Variants in DOK6 observed in about 807,000 individuals in gnomAD.
DOK6 encodes the protein downstream of tyrosine kinase 6.
Under a neutral mutation model 44.0 loss-of-function variants are expected in DOK6, and 22 were observed. That is an observed-to-expected ratio of 0.50 (90% CI 0.36 to 0.71). DOK6 has a LOEUF of 0.71. DOK6 is among the 30% of genes least tolerant of loss of function. The probability of loss-of-function intolerance (pLI) is 0.00; values close to 1 mark genes in which losing one functional copy is unlikely to be tolerated. For synonymous variants in DOK6, 166 were observed against 145.5 expected, an observed-to-expected ratio of 1.14 and a Z score of -1.01; for missense variants, 340 against 416.4, an observed-to-expected ratio of 0.82 and a Z score of 1.60.
intron 2 of DOK6, among the ~76,000 whole-genome samples, chr18:69,598,415 A>G (rs1432741903): frequency 6.6e-6 from 1 of 152,024 alleles, no homozygotes; most frequent in East Asian, 1.9e-4. Flanking sequence ...AAAGGTAATG[A>G]ATTTATTATA....
intron 6 of DOK6, among the ~76,000 whole-genome samples, chr18:69,754,673 TG>T (rs978934936): frequency 2.6e-5 from 4 of 152,214 alleles, no homozygotes; most frequent in African/African-American, 9.6e-5. Flanking sequence ...GACTTTTAGA[TG>T]GGCACTTCCT....
chr18:69,679,528 G>T (rs1013455752), intron 4 of DOK6, among the ~76,000 whole-genome samples: 3 of 152,078 alleles, frequency 2.0e-5, no homozygotes, highest in African/African-American at 7.2e-5. Flanking sequence ...TCTCTGATTT[G>T]TTTTCTGAGA....
chr18:69,674,323 T>C (rs1162993546), intron 3 of DOK6, among the ~76,000 whole-genome samples: 5 of 152,208 alleles, frequency 3.3e-5, no homozygotes, highest in African/African-American at 4.8e-5. Context: ...TTAATACTTT[T>C]GAGGTGAAGT....
At chr18:69,420,391 A>G (rs570063026) in intron 1 of DOK6, among the ~76,000 whole-genome samples, 1 of 152,286 alleles carries the variant, frequency 6.6e-6, no homozygotes, top group East Asian at 1.9e-4. Context: ...CATCCCAACA[A>G]TATGAATTCT....
intron 1 of DOK6, among the ~76,000 whole-genome samples, chr18:69,505,145 A>C (rs551738456): frequency 1.4e-4 from 21 of 152,330 alleles, no homozygotes; most frequent in Admixed American, 1.4e-3. Flanking sequence ...ATACTACTAA[A>C]ATATTAACTG....
At chr18:69,487,992 A>G (rs1468925421) in intron 1 of DOK6, among the ~76,000 whole-genome samples, 2 of 152,186 alleles carry the variant, frequency 1.3e-5, no homozygotes, top group Non-Finnish European at 2.9e-5. Context: ...AATGCCATGG[A>G]CTGGGCAGCT....
intron 6 of DOK6, among the ~76,000 whole-genome samples, chr18:69,749,147 G>C (rs1245126571): frequency 6.6e-6 from 1 of 151,936 alleles, no homozygotes; most frequent in Non-Finnish European, 1.5e-5. Context: ...ACACACTGGG[G>C]CCTGTTGGGG....
intron 1 of DOK6, among the ~76,000 whole-genome samples, chr18:69,431,737 G>A (rs565839021): frequency 1.3e-5 from 2 of 152,098 alleles, no homozygotes; most frequent in African/African-American, 4.8e-5. Flanking sequence ...ACTGCCTACT[G>A]TTGAAATCTC....
chr18:69,686,336 T>C (rs975177970), intron 4 of DOK6, among the ~76,000 whole-genome samples: 13 of 152,240 alleles, frequency 8.5e-5, no homozygotes, highest in Admixed American at 3.9e-4. Context: ...ATATTTGCTC[T>C]CATTCACTAT....
rs1241217966 is a variant in DOK6 at position 69,843,780 on chromosome 18, A to G, written c.*2397A>G. 1 of 152,212 alleles carries G rather than the reference A, an allele frequency of 6.6e-6. No homozygotes were observed. Among genetic ancestry groups the G allele is most frequent in the African/African-American group, 2.4e-5 (1 of 41,452 alleles). 9.4% of individuals were successfully genotyped at this position (152,212 alleles called of 1,614,324 possible). ...TCGTAAAAAGAGTATGTGTGAGAGA[A>G]ATCTCCTTCCCAAGTTTTTAACCAG... On this transcript the variant is annotated 3_prime_UTR_variant, in exon 8 of 8. Coordinates refer to ENST00000382713, the MANE Select transcript of DOK6 (RefSeq NM_152721.6).
chr18:69,712,397 A>G (rs8095760), intron 5 of DOK6, among the ~76,000 whole-genome samples: 6,325 of 149,786 alleles, frequency 0.042, 397 homozygotes, highest in African/African-American at 0.14. Flanking sequence ...GAAAGAGGCA[A>G]TGGATATTAT....
intron 1 of DOK6, among the ~76,000 whole-genome samples, chr18:69,460,965 ATGTT>A (rs1308128495): frequency 1.3e-5 from 2 of 152,278 alleles, no homozygotes; most frequent in African/African-American, 4.8e-5. Flanking sequence ...ATATGGTACT[ATGTT>A]TGAGGAAAGC....
At chr18:69,674,441 C>T (rs1985875194) in intron 3 of DOK6, among the ~76,000 whole-genome samples, 1 of 152,136 alleles carries the variant, frequency 6.6e-6, no homozygotes, top group Admixed American at 6.6e-5. Context: ...CCAGCTGTTA[C>T]AGGATGTCAC....
intron 1 of DOK6, among the ~76,000 whole-genome samples, chr18:69,411,890 T>G (rs1978307824): frequency 6.6e-6 from 1 of 152,150 alleles, no homozygotes; most frequent in Non-Finnish European, 1.5e-5. Context: ...TTCATCTCTT[T>G]GCCTCTCAGA....
chr18:69,602,999 G>A (rs1346659316), intron 3 of DOK6, among the ~76,000 whole-genome samples: 1 of 152,184 alleles, frequency 6.6e-6, no homozygotes, highest in Non-Finnish European at 1.5e-5. Context: ...GGCTTGATAG[G>A]AAATGTTAGA....
intron 7 of DOK6, among the ~76,000 whole-genome samples, chr18:69,814,942 A>C (rs1300087426): frequency 6.6e-6 from 1 of 152,126 alleles, no homozygotes; most frequent in Non-Finnish European, 1.5e-5. Context: ...AGAAAAAAAA[A>C]GGTAAGATGG....
At chr18:69,681,595 A>G (rs1236610997) in intron 4 of DOK6, among the ~76,000 whole-genome samples, 3 of 152,206 alleles carry the variant, frequency 2.0e-5, no homozygotes, top group African/African-American at 7.2e-5. Context: ...CTGATTTCAG[A>G]TGACACTGCC....
intron 1 of DOK6, among the ~76,000 whole-genome samples, chr18:69,518,877 G>A (rs937179448): frequency 2.6e-5 from 4 of 152,014 alleles, no homozygotes; most frequent in African/African-American, 7.2e-5. Context: ...ATATATGTTG[G>A]CAGGTAATCT....
At chr18:69,549,564 TA>T (rs1450925852) in intron 1 of DOK6, among the ~76,000 whole-genome samples, 1 of 151,636 alleles carries the variant, frequency 6.6e-6, no homozygotes, top group South Asian at 2.1e-4. Context: ...GCATTTAATT[TA>T]AAAAAATTGA....
Sources: gnomAD v4.1 joint callset for allele counts (sites outside exome capture counted in the v4.1 genomes callset) on GRCh38, gnomAD v4.1.1 for gene constraint, MANE v1.5 for transcripts, NCBI Gene and HGNC (gene_info 2026-07-23, HGNC 2026-07-21) for gene names.